SH3TC1: variants seen among roughly 807,000 people sequenced by gnomAD.
SH3TC1 encodes SH3 domain and tetratricopeptide repeat-containing protein 1.
SH3TC1 carries 135 observed loss-of-function variants against 117.3 expected under a neutral mutation model. The ratio of observed to expected loss-of-function variants is 1.15; its 90% CI spans 1.00 to 1.33. The LOEUF (loss-of-function observed/expected upper bound fraction) is 1.33, where lower values mean the gene tolerates loss of function less well. Ranked by LOEUF, SH3TC1 falls within the 40% of genes most tolerant of loss-of-function variation. SH3TC1 has a pLI of 0.00. For synonymous variants in SH3TC1, 898 were observed against 816.9 expected, an observed-to-expected ratio of 1.10 and a Z score of -1.69; for missense variants, 2,092 against 1,794.3, an observed-to-expected ratio of 1.17 and a Z score of -3.00.
At chr4:8,218,079 C>T (rs1719475201) in intron 7 of SH3TC1, among the ~76,000 whole-genome samples, 192 bp from the exon 8 acceptor site, 3 of 152,146 alleles carry the variant, frequency 2.0e-5, no homozygotes, top group Non-Finnish European at 1.5e-5. Context: ...GGCAGTGCCA[C>T]ACGCACGGGG....
intron 14 of SH3TC1, among the ~76,000 whole-genome samples, chr4:8,234,570 TCCATCCATCCAC>T (rs75746011): frequency 0.3 from 45,177 of 151,480 alleles, 7,722 homozygotes; most frequent in Non-Finnish European, 0.39. Flanking sequence ...CATCCATTTA[TCCATCCATCCAC>T]CCATCCATCC....
At position 8,210,221 on chromosome 4, in the gene SH3TC1, G is replaced by A. The variant is rs1490405152; in HGVS notation, c.247+399G>A. Among the ~76,000 whole-genome samples the A allele has an allele frequency of 2.6e-5, 4 of 152,202 alleles. No individual in the cohort carries two copies. Among genetic ancestry groups the A allele is most frequent in the Admixed American group, 6.5e-5 (1 of 15,292 alleles). On this transcript the variant is annotated intron_variant, in intron 3 of 17. Coordinates refer to ENST00000245105, the MANE Select transcript of SH3TC1 (RefSeq NM_018986.5). The surrounding 1 kb of genome is among the most constrained non-coding windows in gnomAD (Gnocchi z 4.1). The stretch of plus-strand genomic sequence containing the variant: ...TCGCCGCAGGGCACAGGTGGAGGGA[G>A]GCAGCCCTGGGCCGGGGAGCAGAGC...
chr4:8,202,545 C>T (rs1382687865), intron 1 of SH3TC1, among the ~76,000 whole-genome samples: 1 of 152,226 alleles, frequency 6.6e-6, no homozygotes, highest in Non-Finnish European at 1.5e-5. Flanking sequence ...GTCCCTGCCC[C>T]TCAGAGGTGG....
intron 17 of SH3TC1, among the ~76,000 whole-genome samples, chr4:8,239,542 G>GCA (rs201957319): frequency 1.4e-5 from 2 of 140,992 alleles, no homozygotes; most frequent in Non-Finnish European, 1.5e-5. Context: ...ACACAGACAT[G>GCA]CACACACACA....
rs1717438175 is a variant in SH3TC1, at chr4:8,192,174, A to T, written c.-57+9964A>T. ...TCAGCTAATTTTTGTATTTTTTTTT[A>T]TTAGAGATGGGATTTCACCATGTGG... On this transcript the variant is annotated intron_variant, in intron 1 of 16. Coordinates refer to the SH3TC1 transcript ENST00000508641. This position sits in a 1 kb window ranked among gnomAD's most constrained non-coding sequence, Gnocchi z 4.1. 6.6e-6 allele frequency among the ~76,000 whole-genome samples: 1 copy of T among 150,758 alleles called. No individual in the cohort carries two copies. Among genetic ancestry groups the T allele is most frequent in the South Asian group, 2.1e-4 (1 of 4,802 alleles).
At chr4:8,232,965 G>T in intron 13 of SH3TC1, 2 of 1,193,210 alleles carry the variant, frequency 1.7e-6, no homozygotes, top group African/African-American at 1.6e-5. Flanking sequence ...AGCTCTGGGG[G>T]CAGGCCAGCA....
Position 8,210,674 on chromosome 4 carries a change from A to G in SH3TC1, c.247+852A>G, listed in dbSNP as rs2152982407. Among the ~76,000 whole-genome samples the G allele has an allele frequency of 6.7e-6, 1 of 148,464 alleles. No individual in the cohort carries two copies. Among genetic ancestry groups the G allele is most frequent in the East Asian group, 2.0e-4 (1 of 4,906 alleles). ...GCTATTTGGGAGGCTGAGGCAGAAG[A>G]ATCACTTGAACCCAGGAGGCAGAGG... is the stretch of plus-strand genomic sequence containing the variant. On this transcript the variant is annotated intron_variant, in intron 3 of 17. Transcript: ENST00000245105. The surrounding 1 kb of genome is among the most constrained non-coding windows in gnomAD (Gnocchi z 4.1).
At chr4:8,232,599 C>A in intron 13 of SH3TC1, 1 of 1,346,704 alleles carries the variant, frequency 7.4e-7, no homozygotes, top group Non-Finnish European at 9.8e-7. Flanking sequence ...TCACCTGCTT[C>A]CCTGGGGCAG....
chr4:8,226,351 G>A (rs1332180978), intron 11 of SH3TC1, among the ~76,000 whole-genome samples: 1 of 152,212 alleles, frequency 6.6e-6, no homozygotes, highest in Non-Finnish European at 1.5e-5. Flanking sequence ...CATCCAAGGT[G>A]AAGGTGGTCA....
chr4:8,210,835 G>A lies in SH3TC1; in HGVS notation c.247+1013G>A, dbSNP rs1486683618. Among the ~76,000 whole-genome samples, 3 of 150,962 alleles carry A rather than the reference G, an allele frequency of 2.0e-5. No individual in the cohort carries two copies. The highest frequency in any genetic ancestry group is 7.3e-5 in the African/African-American group (3 of 40,834). On this transcript the variant is annotated intron_variant, in intron 3 of 17. Transcript: ENST00000245105. This position sits in a 1 kb window ranked among gnomAD's most constrained non-coding sequence, Gnocchi z 4.1. ...GGCTGGTGCCTCCTGTTGGGGGAGTGGATTCCAGATTCCAGAAGTCTCCAG... is the reference window on the plus strand; with the variant it reads ...GGCTGGTGCCTCCTGTTGGGGGAGTAGATTCCAGATTCCAGAAGTCTCCAG...
In SH3TC1 at chr4:8,228,028, G is replaced by C; in HGVS notation, c.2334G>C (p.Pro778=). The C allele has an allele frequency of 6.2e-7, 1 of 1,610,362 alleles. No individual in the cohort carries two copies. The highest frequency in any genetic ancestry group is 8.5e-7 in the Non-Finnish European group (1 of 1,178,444). ...YLRQALASLT[P]GTGQALRGPL... is the part of the protein sequence containing the mutation. ...GGCAAGCGCTGGCCTCCCTGACCCC[G>C]GGCACAGGCCAGGCGCTGCGCGGCC... The change falls in exon 12 of 18, where the codon CCG becomes CCC. Residue 778 remains proline, a synonymous_variant. Transcript: ENST00000245105.
In SH3TC1 at chr4:8,192,771, C is replaced by G. The variant is rs140721075; in HGVS notation, c.-57+10561C>G. Among the ~76,000 whole-genome samples, 2 of 152,176 alleles carry G rather than the reference C, an allele frequency of 1.3e-5. No individual in the cohort carries two copies. The highest frequency in any genetic ancestry group is 2.9e-5 in the Non-Finnish European group (2 of 68,034). ...TCTCCCTAAGTGCTGGGATTACAGG[C>G]GTGAGCCACGGTGCCCGGCCCACTT... On this transcript the variant is annotated intron_variant, in intron 1 of 16. Transcript: ENST00000508641. The surrounding 1 kb of genome is among the most constrained non-coding windows in gnomAD (Gnocchi z 4.1).
Position 8,225,068 on chromosome 4 carries a change from G to A in SH3TC1, c.1244-107G>A. The A allele has an allele frequency of 7.4e-7, 1 of 1,350,252 alleles. No individual in the cohort carries two copies. The highest frequency in any genetic ancestry group is 1.0e-6 in the Non-Finnish European group (1 of 962,114). The allele number at this position is 1,350,252 out of a possible 1,614,324, so 83.6% of individuals were successfully genotyped here. On this transcript the variant is annotated intron_variant, in intron 10 of 17. Transcript: ENST00000245105. The surrounding 1 kb of genome is among the most constrained non-coding windows in gnomAD (Gnocchi z 5.5). ...TGCAACATCTCAGCCCTCAATACCT[G>A]CACCCAGCAATGCTCTCACCCTGCA... is the stretch of plus-strand genomic sequence containing the variant.
chr4:8,227,558 C>G lies in SH3TC1; in HGVS notation c.1864C>G (p.Gln622Glu), dbSNP rs1028483667. ...GCAGAAGAACCGGGAGAAGTGTGCA[C>G]AGGTGGTGCCCAAAGCCATGGCCCT... ...RKQKNREKCA[Q>E]VVPKAMALLL... Residue 622 changes from glutamine (Q) to glutamate (E), a missense_variant, in exon 12 of 18, where the codon CAG becomes GAG. Gln to Glu is a conservative substitution (Grantham distance 29, BLOSUM62 2). Transcript: ENST00000245105. 1 of 1,525,424 alleles carries G rather than the reference C, an allele frequency of 6.6e-7. No homozygotes were observed. The highest frequency in any genetic ancestry group is 2.2e-5 in the Admixed American group (1 of 45,368). The allele number at this position is 1,525,424 out of a possible 1,614,324, so 94.5% of individuals were successfully genotyped here. A position where few individuals can be genotyped will look rare whatever the true frequency, so the allele number is the denominator to read the frequency against.
chr4:8,229,709 G>T (rs903833359), intron 12 of SH3TC1, among the ~76,000 whole-genome samples: 2 of 151,794 alleles, frequency 1.3e-5, no homozygotes, highest in Admixed American at 6.6e-5. Flanking sequence ...AAGGAGGAGT[G>T]GGGGGGTTCA....
chr4:8,225,236 C>G lies in SH3TC1; in HGVS notation c.1285+20C>G. On this transcript the variant is annotated intron_variant, in intron 11 of 17. Coordinates refer to ENST00000245105, the MANE Select transcript of SH3TC1 (RefSeq NM_018986.5). The surrounding 1 kb of genome is among the most constrained non-coding windows in gnomAD (Gnocchi z 5.5). ...AAAAAGGTGGGTTTTGCCAGTGGCTCAGGCTTCCTCTGGTTATGAGCTGGG... is the reference window on the plus strand; with the variant it reads ...AAAAAGGTGGGTTTTGCCAGTGGCTGAGGCTTCCTCTGGTTATGAGCTGGG... The G allele has an allele frequency of 6.2e-7, 1 of 1,610,908 alleles. No individual in the cohort carries two copies. Among genetic ancestry groups the G allele is most frequent in the Non-Finnish European group, 8.5e-7 (1 of 1,178,740 alleles).
At chr4:8,230,127 G>C (rs1721052140) in intron 12 of SH3TC1, among the ~76,000 whole-genome samples, 1 of 152,196 alleles carries the variant, frequency 6.6e-6, no homozygotes, top group Non-Finnish European at 1.5e-5. Flanking sequence ...TCATTTTTGA[G>C]TCACTTTTGG....
rs956721248 is a variant in SH3TC1 at position 8,205,072 on chromosome 4, G to A, written c.-28-95G>A. On this transcript the variant is annotated intron_variant, in intron 1 of 17. Transcript: ENST00000245105. This position sits in a 1 kb window ranked among gnomAD's most constrained non-coding sequence, Gnocchi z 5.4. Reference sequence around the variant, plus strand: ...CTGAAAGGTGCAGGCGCTCAGCAACGCTGGTGTTCTCTTTCTGGACCCCAG... The same window carrying A: ...CTGAAAGGTGCAGGCGCTCAGCAACACTGGTGTTCTCTTTCTGGACCCCAG... 5.9e-6 allele frequency: 6 copies of A among 1,020,072 alleles called. No individual in the cohort carries two copies. The highest frequency in any genetic ancestry group is 2.7e-5 in the East Asian group (1 of 36,578). The allele number at this position is 1,020,072 out of a possible 1,614,324, so 63.2% of individuals were successfully genotyped here.
chr4:8,238,482 C>T (rs1375468763), intron 17 of SH3TC1, among the ~76,000 whole-genome samples: 1 of 152,204 alleles, frequency 6.6e-6, no homozygotes, highest in Non-Finnish European at 1.5e-5. Flanking sequence ...TCGTTGTGGG[C>T]TGGGGGGCCA....
Sources: allele counts gnomAD v4.1 joint callset (sites outside exome capture counted in the v4.1 genomes callset), GRCh38; gene constraint gnomAD v4.1.1; non-coding constraint Gnocchi (gnomAD v3.1); transcripts MANE v1.5; gene names NCBI Gene and HGNC (gene_info 2026-07-23, HGNC 2026-07-21).